ZNF429: variants seen among roughly 807,000 people sequenced by gnomAD.
ZNF429 encodes the protein zinc finger protein 429.
Under a neutral mutation model 56.8 loss-of-function variants are expected in ZNF429, and 53 were observed. The observed-to-expected ratio is 0.93, with a 90% CI of 0.75 to 1.17. The LOEUF is 1.17. ZNF429 is among the 50% of genes most tolerant of loss of function. The probability of loss-of-function intolerance (pLI) is 0.00; values close to 1 mark genes in which losing one functional copy is unlikely to be tolerated. For missense variants in ZNF429, 849 were observed against 788.4 expected, an observed-to-expected ratio of 1.08 and a Z score of -0.92; for synonymous variants, 278 against 264.7, an observed-to-expected ratio of 1.05 and a Z score of -0.49.
Position 21,514,758 on chromosome 19 carries a change from C to A in ZNF429, c.3+8984C>A, listed in dbSNP as rs559631365. Among the ~76,000 whole-genome samples the A allele has an allele frequency of 2.7e-5, 4 of 146,458 alleles. No individual in the cohort carries two copies. In the South Asian group the frequency reaches 8.8e-4, roughly 32 times the overall value. ...GGATCACAGGCACGCACCACCACAC[C>A]CAGCTAATTTTTGTATTTTTAGTAG... On this transcript the variant is annotated intron_variant, in intron 1 of 3. Coordinates refer to ENST00000358491, the MANE Select transcript of ZNF429 (RefSeq NM_001001415.4).
intron 3 of ZNF429, among the ~76,000 whole-genome samples, chr19:21,534,888 C>T: frequency 6.6e-6 from 1 of 150,928 alleles, no homozygotes; most frequent in Admixed American, 6.6e-5. Flanking sequence ...CGGCTCACTG[C>T]AGGCTCCGCC....
intron 1 of ZNF429, among the ~76,000 whole-genome samples, chr19:21,511,327 G>T (rs1185644630): frequency 1.3e-5 from 2 of 151,888 alleles, no homozygotes; most frequent in Non-Finnish European, 2.9e-5. Flanking sequence ...AGATGGGACG[G>T]CTGCCAGGCG....
chr19:21,529,691 TTC>T lies in ZNF429; in HGVS notation c.43_44del (p.Leu15GlyfsTer15). On this transcript the variant is annotated frameshift_variant, in exon 2 of 4. Coordinates refer to ENST00000358491, the MANE Select transcript of ZNF429 (RefSeq NM_001001415.4). LOFTEE classifies it high-confidence loss of function. ...GACATTTACAGATGTGGCCATAGAATTCTCTCTGGAGGAGTGGCAGTGCCTGG... is the reference window on the plus strand; with the variant it reads ...GACATTTACAGATGTGGCCATAGAATTCTCTGGAGGAGTGGCAGTGCCTGG... ...PLTFTDVAIE[F>X]SLEEWQCLDT... 1 of 1,597,820 alleles carries T rather than the reference TTC, an allele frequency of 6.3e-7. No homozygotes were observed. The highest frequency in any genetic ancestry group is 8.5e-7 in the Non-Finnish European group (1 of 1,171,096).
Position 21,540,375 on chromosome 19 carries a change from C to CT in ZNF429, c.*2304dup, listed in dbSNP as rs552311312. 3.9e-3 allele frequency among the ~76,000 whole-genome samples: 591 copies of CT among 151,872 alleles called. 6 individuals carry two copies. The highest frequency in any genetic ancestry group is 0.01 in the Middle Eastern group (3 of 290). ...TGTTCCCATAGGTTAAATATTTATC[C>CT]TTTTTTTGATATTTAAATTTTTTTC... On this transcript the variant is annotated 3_prime_UTR_variant, in exon 4 of 4. Transcript: ENST00000358491.
Position 21,536,188 on chromosome 19 carries a change from C to T in ZNF429, c.227-92C>T. The stretch of plus-strand genomic sequence containing the variant: ...GTATTTTGCTATGCTGTGTTGCTTA[C>T]GTAGTTTTTATAACTTTAGAGGTTT... On this transcript the variant is annotated intron_variant, in intron 3 of 3. Transcript: ENST00000358491. 2.8e-5 allele frequency: 36 copies of T among 1,307,392 alleles called. No homozygotes were observed. In the South Asian group the frequency reaches 3.0e-4, roughly 11 times the overall value. 81.0% of individuals were successfully genotyped at this position (1,307,392 alleles called of 1,614,324 possible). A position where few individuals can be genotyped will look rare whatever the true frequency, so the allele number is the denominator to read the frequency against.
chr19:21,508,086 C>T (rs1211087092), intron 1 of ZNF429, among the ~76,000 whole-genome samples: 2 of 152,118 alleles, frequency 1.3e-5, no homozygotes, highest in African/African-American at 4.8e-5. Flanking sequence ...AATTCCGTCT[C>T]TACTAAAAAC....
intron 3 of ZNF429, among the ~76,000 whole-genome samples, chr19:21,535,358 C>CTTCT: frequency 9.2e-5 from 6 of 65,086 alleles, no homozygotes; most frequent in Admixed American, 1.5e-4. Flanking sequence ...CCTTTCTTTT[C>CTTCT]TTCTTTCTTT....
In ZNF429 at chr19:21,530,656, G is replaced by A. The variant is rs368173545; in HGVS notation, c.198G>A (p.Lys66=). The change falls in exon 3 of 4, where the codon AAG becomes AAA. Residue 66 remains lysine (K), a synonymous_variant. Transcript: ENST00000358491. Reference sequence around the variant, plus strand: ...AAGAAAAAGAACCCTGCAAGATGAAGCGACATGAAATGGTGGATGAACCCC... The same window carrying A: ...AAGAAAAAGAACCCTGCAAGATGAAACGACATGAAATGGTGGATGAACCCC... ...LEKEKEPCKM[K]RHEMVDEPPV... The A allele has an allele frequency of 1.1e-5, 17 of 1,611,166 alleles. No homozygotes were observed. The highest frequency in any genetic ancestry group is 1.7e-5 in the Admixed American group (1 of 59,860).
chr19:21,505,775 G>T lies in ZNF429; in HGVS notation c.3+1G>T, dbSNP rs750047124. The T allele has an allele frequency of 1.2e-6, 2 of 1,611,576 alleles. No individual in the cohort carries two copies. The highest frequency in any genetic ancestry group is 1.7e-5 in the Admixed American group (1 of 59,946). On this transcript the variant is annotated splice_donor_variant, in intron 1 of 3. Coordinates refer to ENST00000358491, the MANE Select transcript of ZNF429 (RefSeq NM_001001415.4). LOFTEE classifies it high-confidence loss of function. The stretch of plus-strand genomic sequence containing the variant: ...AGGACCCCCTGGAAGCCTAGAAATG[G>T]TGAGAGTGCCGAGTCTGACATCCCC...
chr19:21,536,859 A>G lies in ZNF429; in HGVS notation c.806A>G (p.Tyr269Cys), dbSNP rs1243998270. 1 of 1,606,906 alleles carries G rather than the reference A, an allele frequency of 6.2e-7. No homozygotes were observed. The highest frequency in any genetic ancestry group is 1.1e-5 in the South Asian group (1 of 90,504). The change falls in exon 4 of 4, where the codon TAC (tyrosine) becomes TGC (cysteine). Residue 269 changes from tyrosine to cysteine, a missense_variant. Tyr to Cys is a radical substitution (Grantham distance 194). Transcript: ENST00000358491. The stretch of plus-strand genomic sequence containing the variant: ...GAATGTGGCAAAGCCTTTAGCAGGT[A>G]CTCAACCCTTACTACCCATAAGAGA... ...CKECGKAFSR[Y>C]STLTTHKRIH... is the part of the protein sequence containing the mutation.
chr19:21,521,220 A>G (rs966677771), intron 1 of ZNF429: 1 of 152,210 alleles, frequency 6.6e-6, no homozygotes, highest in Non-Finnish European at 1.5e-5. Context: ...GAATGCTGCT[A>G]TTACAGGACA....
intron 1 of ZNF429, among the ~76,000 whole-genome samples, chr19:21,522,610 T>A (rs1256475229): frequency 6.6e-6 from 1 of 152,172 alleles, no homozygotes; most frequent in Non-Finnish European, 1.5e-5. Flanking sequence ...ACAGTTGTGC[T>A]GCAAAGTGCA....
chr19:21,535,496 CTTCTTTCT>C, intron 3 of ZNF429, among the ~76,000 whole-genome samples: 1 of 73,394 alleles, frequency 1.4e-5, no homozygotes, highest in Non-Finnish European at 2.7e-5. Context: ...TTCTTTCTTT[CTTCTTTCT>C]TTCTTTCTTT....
intron 3 of ZNF429, among the ~76,000 whole-genome samples, chr19:21,532,802 G>A: frequency 1.8e-4 from 28 of 151,624 alleles, no homozygotes; most frequent in Non-Finnish European, 2.9e-5. Flanking sequence ...GGGTTCAAGC[G>A]ATTCTCCAAC....
chr19:21,528,916 ACT>A (rs2033267825), intron 1 of ZNF429, among the ~76,000 whole-genome samples: 1 of 151,700 alleles, frequency 6.6e-6, no homozygotes, highest in Non-Finnish European at 1.5e-5. Context: ...TGGTTAAAGA[ACT>A]CTCTGACAGA....
rs190326949 is a variant in ZNF429 at position 21,527,556 on chromosome 19, A to C, written c.4-2102A>C. 3.9e-5 allele frequency among the ~76,000 whole-genome samples: 6 copies of C among 152,280 alleles called. No homozygotes were observed. In the East Asian group the frequency reaches 9.7e-4, roughly 25 times the overall value. On this transcript the variant is annotated intron_variant, in intron 1 of 3. Transcript: ENST00000358491. ...TGTTTGGGTTTGGTAGGGACAGGGC[A>C]GTGCAGTCCATACTACCAATATTGT...
intron 1 of ZNF429, among the ~76,000 whole-genome samples, chr19:21,506,802 T>C (rs1463329997): frequency 1.4e-5 from 2 of 143,220 alleles, no homozygotes; most frequent in African/African-American, 2.7e-5. Flanking sequence ...GGAGTTTCCC[T>C]CTTCTTGCCC....
At position 21,532,792 on chromosome 19, in the gene ZNF429, G is replaced by A; in HGVS notation, c.226+2108G>A. Among the ~76,000 whole-genome samples the A allele has an allele frequency of 9.9e-5, 15 of 150,938 alleles. No homozygotes were observed. In the East Asian group the frequency reaches 1.2e-3, roughly 12 times the overall value. On this transcript the variant is annotated intron_variant, in intron 3 of 3. Coordinates refer to ENST00000358491, the MANE Select transcript of ZNF429 (RefSeq NM_001001415.4). ...TGGTTCACTGCAACCTCGGCCTCCC[G>A]GGTTCAAGCGATTCTCCAACCTCAG...
chr19:21,529,772 T>G lies in ZNF429; in HGVS notation c.118T>G (p.Leu40Val). Reference protein sequence around the residue: ...RNVMLENYRNLVFLGIAVSKP... With the variant: ...RNVMLENYRNVVFLGIAVSKP... ...TGTGATGTTAGAGAACTACAGAAAC[T>G]TGGTCTTCCTGGGTGAGAATAACTT... Residue 40 changes from leucine (L) to valine (V), a missense_variant, in exon 2 of 4, where the codon TTG becomes GTG. By Grantham distance (32) the Leu-to-Val change is conservative. Transcript: ENST00000358491. 1 of 1,576,138 alleles carries G rather than the reference T, an allele frequency of 6.3e-7. No homozygotes were observed.
Sources: allele counts gnomAD v4.1 joint callset (sites outside exome capture counted in the v4.1 genomes callset), GRCh38; gene constraint gnomAD v4.1.1; transcripts MANE v1.5; gene names NCBI Gene and HGNC (gene_info 2026-07-23, HGNC 2026-07-21).